PRKACB: variants seen among roughly 807,000 people sequenced by gnomAD.
PRKACB encodes cAMP-dependent protein kinase catalytic subunit beta.
In PRKACB, 16 loss-of-function variants were observed where a neutral mutation model predicts 51.4. The observed-to-expected ratio is 0.31, with a 90% confidence interval of 0.21 to 0.47. The LOEUF is 0.47. PRKACB is among the 20% of genes least tolerant of loss of function. PRKACB has a pLI of 1.00. For synonymous variants in PRKACB, 147 were observed against 154.4 expected (o/e 0.95, Z 0.35); for missense variants, 309 against 464.5 (o/e 0.67, Z 3.08).
intron 1 of PRKACB, among the ~76,000 whole-genome samples, chr1:84,176,777 C>T (rs1469138315): frequency 6.6e-6 from 1 of 151,680 alleles, no homozygotes; most frequent in African/African-American, 2.4e-5. Flanking sequence ...CACATAAGAC[C>T]TTTATAAAAA....
In PRKACB at chr1:84,088,945, A is replaced by G. The variant is rs540310865; in HGVS notation, c.46+10574A>G. Among the ~76,000 whole-genome samples, 5 of 152,300 alleles carry G rather than the reference A, an allele frequency of 3.3e-5. No individual in the cohort carries two copies. The South Asian group carries it at 1.0e-3, about 32-fold the overall frequency. The stretch of plus-strand genomic sequence containing the variant: ...GGAGTTTATAGAGGAGTAGTATAGA[A>G]TTTCTGAGATCATCTTGGGAAATAG... On this transcript the variant is annotated intron_variant, in intron 1 of 8. Coordinates refer to the PRKACB transcript ENST00000370688.
chr1:84,172,776 A>G (rs1488832483), intron 1 of PRKACB, among the ~76,000 whole-genome samples: 1 of 151,750 alleles, frequency 6.6e-6, no homozygotes. Context: ...CAAGTAATAA[A>G]ACACAGAGAG....
intron 1 of PRKACB, among the ~76,000 whole-genome samples, chr1:84,147,604 A>G (rs916188834): frequency 3.3e-5 from 5 of 152,034 alleles, no homozygotes; most frequent in Non-Finnish European, 4.4e-5. Context: ...ACATAATATA[A>G]TATTCAAGGC....
chr1:84,126,785 A>G (rs2100537372), intron 1 of PRKACB, among the ~76,000 whole-genome samples: 1 of 152,342 alleles, frequency 6.6e-6, no homozygotes, highest in South Asian at 2.1e-4. Context: ...CAAAAAAAGT[A>G]GGAATTATCT....
At chr1:84,201,132 A>G (rs1669990664) in intron 7 of PRKACB, among the ~76,000 whole-genome samples, 1 of 152,128 alleles carries the variant, frequency 6.6e-6, no homozygotes, top group Non-Finnish European at 1.5e-5. Flanking sequence ...CATATTGCCA[A>G]ATTGCTTTCC....
In PRKACB at chr1:84,184,028, C is replaced by T. The variant is rs1341478270; in HGVS notation, c.379-9C>T. 1 of 1,565,108 alleles carries T rather than the reference C, an allele frequency of 6.4e-7. No homozygotes were observed. The highest frequency in any genetic ancestry group is 8.6e-7 in the Non-Finnish European group (1 of 1,159,022). On this transcript the variant is annotated splice_polypyrimidine_tract_variant and intron_variant, in intron 3 of 9. Coordinates refer to ENST00000370685, the MANE Select transcript of PRKACB (RefSeq NM_182948.4). ...AATACATTAAGAGATATTTATCTCT[C>T]AATTACAGGTTGTTAAACTGAAGCA...
intron 1 of PRKACB, among the ~76,000 whole-genome samples, chr1:84,079,468 T>C (rs1647350894): frequency 6.6e-6 from 1 of 152,202 alleles, no homozygotes; most frequent in South Asian, 2.1e-4. Context: ...TAAAGTAGAA[T>C]TCATTTAGAA....
chr1:84,210,999 T>C (rs192034534), intron 8 of PRKACB, among the ~76,000 whole-genome samples: 21 of 152,028 alleles, frequency 1.4e-4, no homozygotes, highest in Admixed American at 1.3e-3. Flanking sequence ...ACTATGAGAG[T>C]GTGGGCTACC....
chr1:84,091,240 ATAGTTACTTACAATCAG>A (rs1307918956), intron 1 of PRKACB, among the ~76,000 whole-genome samples: 1 of 152,200 alleles, frequency 6.6e-6, no homozygotes. Flanking sequence ...TTGCTGTATT[ATAGTTACTTACAATCAG>A]GTTACAGAGA....
rs935662374 is a variant in PRKACB, at chr1:84,164,239, A to G, written c.188-14938A>G. ...GTGCTGCAGTATAGCTTTCTGGCTC[A>G]TGAAAAATGAAAGCTATCAGCGATC... On this transcript the variant is annotated intron_variant, in intron 1 of 9. Transcript: ENST00000370685. 4.2e-6 allele frequency: 6 copies of G among 1,432,938 alleles called. No individual in the cohort carries two copies. The African/African-American group carries it at 8.6e-5, about 21-fold the overall frequency. 88.8% of individuals were successfully genotyped at this position (1,432,938 alleles called of 1,614,324 possible). A position where few individuals can be genotyped will look rare whatever the true frequency, so the allele number is the denominator to read the frequency against.
chr1:84,139,600 T>A (rs1653178534), upstream of PRKACB, among the ~76,000 whole-genome samples: 1 of 152,206 alleles, frequency 6.6e-6, no homozygotes. Context: ...AGAGACATGC[T>A]ATGATTATGG....
chr1:84,205,163 C>G, intron 8 of PRKACB: 1 of 983,526 alleles, frequency 1.0e-6, no homozygotes, highest in African/African-American at 1.7e-5. Context: ...TAAAATTATC[C>G]CCATCTCTTA....
intron 1 of PRKACB, among the ~76,000 whole-genome samples, chr1:84,103,781 A>G (rs987495643): frequency 2.0e-5 from 3 of 152,226 alleles, no homozygotes; most frequent in African/African-American, 4.8e-5. Flanking sequence ...GAAAAATTCT[A>G]TCACCTGCCC....
At chr1:84,086,262 C>A in intron 1 of PRKACB, 1 of 1,427,922 alleles carries the variant, frequency 7.0e-7, no homozygotes, top group Non-Finnish European at 9.8e-7. Flanking sequence ...GGTTCCCTTG[C>A]CCCCATGGGA....
At chr1:84,205,655 T>G (rs1020540688) in intron 8 of PRKACB, among the ~76,000 whole-genome samples, 5 of 152,076 alleles carry the variant, frequency 3.3e-5, no homozygotes, top group African/African-American at 1.2e-4. Flanking sequence ...ATTTATTAAT[T>G]AAGTGATAAA....
intron 1 of PRKACB, among the ~76,000 whole-genome samples, chr1:84,104,696 T>C (rs1435676385): frequency 1.3e-5 from 2 of 152,156 alleles, no homozygotes; most frequent in Non-Finnish European, 2.9e-5. Flanking sequence ...TGCATCTCCC[T>C]CATGATTAGT....
At chr1:84,131,344 CAA>C (rs57331999) in intron 1 of PRKACB, among the ~76,000 whole-genome samples, 2 of 146,440 alleles carry the variant, frequency 1.4e-5, no homozygotes. Context: ...AACTCCATCT[CAA>C]AAAAAAAAAA....
chr1:84,131,470 A>G (rs776189638), intron 1 of PRKACB, among the ~76,000 whole-genome samples: 1 of 152,222 alleles, frequency 6.6e-6, no homozygotes, highest in Non-Finnish European at 1.5e-5. Flanking sequence ...AAGTAATTCA[A>G]AAGAAGGCAG....
At chr1:84,208,632 T>C (rs1014147056) in intron 8 of PRKACB, among the ~76,000 whole-genome samples, 22 of 152,346 alleles carry the variant, frequency 1.4e-4, no homozygotes, top group African/African-American at 5.3e-4. Context: ...TAGATATGGC[T>C]GTCTTCTACG....
Sources: gnomAD v4.1 joint callset for allele counts (sites outside exome capture counted in the v4.1 genomes callset) on GRCh38, gnomAD v4.1.1 for gene constraint, MANE v1.5 for transcripts, NCBI Gene and HGNC (gene_info 2026-07-23, HGNC 2026-07-21) for gene names.